CDH11: variants seen among roughly 807,000 people sequenced by gnomAD.
CDH11 encodes cadherin 11.
In CDH11, 11 loss-of-function variants were observed where a neutral mutation model predicts 67.8. The ratio of observed to expected loss-of-function variants is 0.16; its 90% CI spans 0.10 to 0.27. CDH11 has a LOEUF of 0.27. Ranked by LOEUF, CDH11 falls within the 10% of genes least tolerant of loss-of-function variation. The pLI is 1.00. For synonymous variants in CDH11, 419 were observed against 400.0 expected, an observed-to-expected ratio of 1.05 and a Z score of -0.57; for missense variants, 847 against 1,031.2, an observed-to-expected ratio of 0.82 and a Z score of 2.45.
At chr16:65,001,785 G>A (rs1180293097) in intron 3 of CDH11, among the ~76,000 whole-genome samples, 7 of 145,382 alleles carry the variant, frequency 4.8e-5, no homozygotes, top group Non-Finnish European at 1.0e-4. Context: ...CACACACACA[G>A]ACACACACAC....
intron 2 of CDH11, among the ~76,000 whole-genome samples, chr16:65,050,929 C>T (rs1031435064): frequency 1.3e-5 from 2 of 152,062 alleles, no homozygotes; most frequent in African/African-American, 4.8e-5. Flanking sequence ...AAATGTCACT[C>T]GCACATCTTA....
At chr16:65,093,836 T>C (rs779865410) in intron 1 of CDH11, among the ~76,000 whole-genome samples, 1 of 152,160 alleles carries the variant, frequency 6.6e-6, no homozygotes, top group Non-Finnish European at 1.5e-5. Context: ...TAAAAAGGCC[T>C]CACTGAATGT....
Position 64,973,015 on chromosome 16 carries a change from G to A in CDH11, c.1279C>T (p.Leu427Phe). Residue 427 changes from leucine to phenylalanine, a missense_variant, in exon 9 of 13, where the codon CTC (leucine) becomes TTC (phenylalanine). Leu to Phe is a conservative substitution (Grantham distance 22, BLOSUM62 0). This residue lies in a region of CDH11 where 612 missense variants were observed against 678.7 expected (regional missense o/e 0.90). Transcript: ENST00000268603. ...IRYSIDRHTD[L>F]DRFFTINPED... is the part of the protein sequence containing the mutation. ...GGATTAATAGTGAAAAATCTGTCGAGGTCAGTGTGACGATCGATGGAATAC... is the reference window on the plus strand; with the variant it reads ...GGATTAATAGTGAAAAATCTGTCGAAGTCAGTGTGACGATCGATGGAATAC... 1 of 1,613,602 alleles carries A rather than the reference G, an allele frequency of 6.2e-7. No homozygotes were observed. Among genetic ancestry groups the A allele is most frequent in the Admixed American group, 1.7e-5 (1 of 59,982 alleles).
intron 1 of CDH11, among the ~76,000 whole-genome samples, chr16:65,088,785 A>G (rs1198770528): frequency 2.6e-5 from 4 of 152,200 alleles, no homozygotes; most frequent in East Asian, 1.9e-4. Flanking sequence ...TCACAAATTA[A>G]CCAAGTAAGA....
rs758770585 is a variant in CDH11, at chr16:64,982,290, A to G, written c.1011T>C (p.Phe337=). The change falls in exon 8 of 13, where the codon TTT becomes TTC. Residue 337 remains phenylalanine (F), a synonymous_variant. Transcript: ENST00000268603. ...GVIKLKKPVD[F]ETKRAYSLKV... ...TCAAGCTATAGGCTCTTTTGGTTTC[A>G]AAATCTACAGGCTGGCAAGAATGAA... is the stretch of plus-strand genomic sequence containing the variant. 46 of 1,611,940 alleles carry G rather than the reference A, an allele frequency of 2.9e-5. No individual in the cohort carries two copies. The highest frequency in any genetic ancestry group is 1.1e-5 in the South Asian group (1 of 90,780).
intron 1 of CDH11, among the ~76,000 whole-genome samples, chr16:65,113,058 C>T (rs751971199): frequency 2.6e-5 from 4 of 152,226 alleles, no homozygotes; most frequent in Admixed American, 1.3e-4. Flanking sequence ...GAAGCTGAGG[C>T]GGGCAGATCA....
intron 11 of CDH11, 69 bp from the exon 12 acceptor site, chr16:64,951,087 G>T (rs905742600): frequency 2.0e-6 from 3 of 1,510,730 alleles, no homozygotes; most frequent in Non-Finnish European, 1.8e-6. Flanking sequence ...CTCTCTGCTC[G>T]GCAGATTTGA....
intron 8 of CDH11, chr16:64,981,175 G>C (rs549429157): frequency 7.2e-6 from 1 of 138,952 alleles, no homozygotes; most frequent in African/African-American, 2.9e-5. Context: ...GCTTGATCTC[G>C]GCTTACTGCA....
At chr16:65,102,407 G>T (rs1597197828) in intron 1 of CDH11, among the ~76,000 whole-genome samples, 1 of 151,944 alleles carries the variant, frequency 6.6e-6, no homozygotes, top group Admixed American at 6.5e-5. Context: ...CTAAAAAAAA[G>T]TCACTTACCT....
In CDH11 at chr16:65,043,342, T is replaced by A. The variant is rs1250107908; in HGVS notation, c.-173+10462A>T. On this transcript the variant is annotated intron_variant, in intron 2 of 12. Transcript: ENST00000268603. Reference sequence around the variant, plus strand: ...GCTGACTCTGAGATGGAGTTTAGCATGGGGATGTTTACTAGGGGGTACCCT... The same window carrying A: ...GCTGACTCTGAGATGGAGTTTAGCAAGGGGATGTTTACTAGGGGGTACCCT... Among the ~76,000 whole-genome samples, 376 of 152,248 alleles carry A rather than the reference T, an allele frequency of 2.5e-3. 3 individuals are homozygous for A. Among genetic ancestry groups the A allele is most frequent in the African/African-American group, 8.4e-3 (347 of 41,532 alleles).
At chr16:65,077,665 A>G (rs2074537012) in intron 1 of CDH11, among the ~76,000 whole-genome samples, 1 of 152,222 alleles carries the variant, frequency 6.6e-6, no homozygotes, top group Non-Finnish European at 1.5e-5. Context: ...TTTTACAATC[A>G]ACACAATATG....
chr16:65,070,743 C>A (rs1449168418), intron 1 of CDH11, among the ~76,000 whole-genome samples: 1 of 152,194 alleles, frequency 6.6e-6, no homozygotes, highest in Non-Finnish European at 1.5e-5. Context: ...AATGTTAACT[C>A]TGATTAACTC....
intron 2 of CDH11, among the ~76,000 whole-genome samples, chr16:65,051,999 A>G (rs988687324): frequency 6.6e-6 from 1 of 152,212 alleles, no homozygotes; most frequent in African/African-American, 2.4e-5. Flanking sequence ...AATACCTACC[A>G]CATAAGGCTT....
intron 12 of CDH11, 149 bp downstream of exon 12, chr16:64,950,618 C>A: frequency 1.1e-6 from 1 of 893,572 alleles, no homozygotes; most frequent in Non-Finnish European, 1.6e-6. Context: ...CAACGCCCAC[C>A]CCGCCCCCGT....
At chr16:65,112,345 T>C (rs1567586604) in intron 1 of CDH11, among the ~76,000 whole-genome samples, 1 of 152,174 alleles carries the variant, frequency 6.6e-6, no homozygotes, top group Non-Finnish European at 1.5e-5. Context: ...AGGTGGCCTC[T>C]GTAGTCTCTC....
chr16:64,971,957 C>G lies in CDH11; in HGVS notation c.1498G>C (p.Asp500His), dbSNP rs767856649. 1.9e-6 allele frequency: 3 copies of G among 1,613,970 alleles called. No homozygotes were observed. Among genetic ancestry groups the G allele is most frequent in the Non-Finnish European group, 2.5e-6 (3 of 1,179,932 alleles). The change falls in exon 10 of 13, where the codon GAT (aspartate) becomes CAT (histidine). Residue 500 changes from aspartate to histidine, a missense_variant. This residue lies in a region of CDH11 where 612 missense variants were observed against 678.7 expected (regional missense o/e 0.90). Coordinates refer to ENST00000268603, the MANE Select transcript of CDH11 (RefSeq NM_001797.4). ...TGGTTGGAAAGTGGCTTGGTCTGATCACTCTCACAGATGAAACCTTCATAA... is the reference window on the plus strand; with the variant it reads ...TGGTTGGAAAGTGGCTTGGTCTGATGACTCTCACAGATGAAACCTTCATAA... ...APYEGFICES[D>H]QTKPLSNQPI...
rs544762850 is a variant in CDH11 at position 65,113,710 on chromosome 16, T to C, written c.-298+8170A>G. Among the ~76,000 whole-genome samples the C allele has an allele frequency of 3.3e-5, 5 of 152,220 alleles. No individual in the cohort carries two copies. The East Asian group carries it at 7.8e-4, about 24-fold the overall frequency. ...TCAGATTAGCTGACACTGTGAATGG[T>C]GGGAGCAGCCTGATATGGTGACTAA... On this transcript the variant is annotated intron_variant, in intron 1 of 12. Transcript: ENST00000268603.
intron 11 of CDH11, among the ~76,000 whole-genome samples, chr16:64,958,037 A>G (rs1487498158): frequency 6.6e-6 from 1 of 152,088 alleles, no homozygotes; most frequent in Non-Finnish European, 1.5e-5. Context: ...TGAGCTCTCT[A>G]CCTACCTGTA....
chr16:65,031,516 A>G (rs1209397769), intron 2 of CDH11, among the ~76,000 whole-genome samples: 1 of 152,202 alleles, frequency 6.6e-6, no homozygotes, highest in Non-Finnish European at 1.5e-5. Context: ...GTCTTGTAGT[A>G]TATACATAAG....
Sources: allele counts gnomAD v4.1 joint callset (sites outside exome capture counted in the v4.1 genomes callset), GRCh38; gene constraint gnomAD v4.1.1; regional missense constraint gnomAD v4.1.1; transcripts MANE v1.5; gene names NCBI Gene and HGNC (gene_info 2026-07-23, HGNC 2026-07-21).